The following TF variants were observed in gnomAD, a reference collection of about 807,000 sequenced individuals.
The protein encoded by TF is transferrin, also known as serotransferrin.
Under a neutral mutation model 82.4 loss-of-function variants are expected in TF, and 55 were observed. That is an observed-to-expected ratio of 0.67 (90% CI 0.54 to 0.84). The LOEUF (loss-of-function observed/expected upper bound fraction) is 0.84, where lower values mean the gene tolerates loss of function less well. Ranked by LOEUF, TF falls within the 40% of genes least tolerant of loss-of-function variation. The pLI, the probability that TF is intolerant of heterozygous loss-of-function variation, is 0.00. For missense variants in TF, 737 were observed against 868.4 expected, an observed-to-expected ratio of 0.85 and a Z score of 1.90; for synonymous variants, 332 against 332.6, an observed-to-expected ratio of 1.00 and a Z score of 0.02.
chr3:133,740,830 A>G, the TF span, among the ~76,000 whole-genome samples: 4 of 151,370 alleles, frequency 2.6e-5, no homozygotes, highest in Non-Finnish European at 5.9e-5. Context: ...AGTCTGGTAC[A>G]TAAAAGTTTT....
chr3:133,702,410 C>A, the TF span, among the ~76,000 whole-genome samples: 1 of 151,938 alleles, frequency 6.6e-6, no homozygotes, highest in African/African-American at 2.4e-5. Flanking sequence ...GCAGATCAAC[C>A]TTTTCAATCC....
chr3:133,756,916 C>T lies in TF; in HGVS notation c.777C>T (p.Asp259=), dbSNP rs201477287. 6.2e-7 allele frequency: 1 copy of T among 1,614,260 alleles called. No individual in the cohort carries two copies. The highest frequency in any genetic ancestry group is 8.5e-7 in the Non-Finnish European group (1 of 1,180,046). ...GGAAGCCGGTAGATGAATACAAGGA[C>T]TGCCACTTGGCCCAGGTCCCTTCTC... The part of the protein sequence containing the change: ...NTRKPVDEYK[D]CHLAQVPSHT... Residue 259 remains aspartate, a synonymous_variant, in exon 7 of 17, where the codon GAC becomes GAT. Coordinates refer to ENST00000402696, the MANE Select transcript of TF (RefSeq NM_001063.4).
chr3:133,662,260 A>C, the TF span: 1 of 152,262 alleles, frequency 6.6e-6, no homozygotes, highest in Non-Finnish European at 1.5e-5. Flanking sequence ...CCAGGCATGC[A>C]CGGGAAAAGG....
chr3:133,755,694 A>G, intron 5 of TF, 199 bp downstream of exon 5: 1 of 678,510 alleles, frequency 1.5e-6, no homozygotes, highest in Non-Finnish European at 2.5e-6. Context: ...GACCCTGACA[A>G]GTAGGTCCTT....
the TF span, among the ~76,000 whole-genome samples, chr3:133,692,461 A>G: frequency 6.6e-6 from 1 of 152,300 alleles, no homozygotes; most frequent in African/African-American, 2.4e-5. Flanking sequence ...AAGCAGTGAC[A>G]TCACGATGGC....
the TF span, among the ~76,000 whole-genome samples, chr3:133,706,684 C>G: frequency 6.6e-6 from 1 of 152,164 alleles, no homozygotes; most frequent in Admixed American, 6.5e-5. Flanking sequence ...AGAGTTTCTT[C>G]TGAGGCAGGA....
At chr3:133,697,331 G>A in the TF span, among the ~76,000 whole-genome samples, 3 of 151,998 alleles carry the variant, frequency 2.0e-5, no homozygotes, top group Non-Finnish European at 4.4e-5. Context: ...GGCAATTGAT[G>A]CATGTCTTAT....
At chr3:133,689,401 C>T in the TF span, among the ~76,000 whole-genome samples, 9 of 151,976 alleles carry the variant, frequency 5.9e-5, no homozygotes, top group Non-Finnish European at 1.3e-4. Context: ...TATTTATTAA[C>T]AAATGAAAAC....
At chr3:133,690,980 C>T in the TF span, among the ~76,000 whole-genome samples, 2 of 151,982 alleles carry the variant, frequency 1.3e-5, no homozygotes, top group Non-Finnish European at 2.9e-5. Context: ...AGAGTCCTAA[C>T]TTTATACACA....
the TF span, among the ~76,000 whole-genome samples, chr3:133,691,033 TTG>T: frequency 6.7e-6 from 1 of 148,824 alleles, no homozygotes; most frequent in East Asian, 2.0e-4. Context: ...TGAATATATA[TTG>T]TAAAATATTT....
the TF span, among the ~76,000 whole-genome samples, chr3:133,729,644 G>A: frequency 6.6e-5 from 10 of 152,244 alleles, no homozygotes; most frequent in South Asian, 2.1e-4. Flanking sequence ...GTTTCGGCTC[G>A]TGCACAGTGC....
intron 2 of TF, among the ~76,000 whole-genome samples, chr3:133,752,231 T>A (rs1933695459): frequency 6.6e-6 from 1 of 151,942 alleles, no homozygotes; most frequent in Admixed American, 6.6e-5. Context: ...TGGCTGGTAT[T>A]ACAGGCATGT....
intron 14 of TF, among the ~76,000 whole-genome samples, chr3:133,771,743 C>CAAAAAAAAAAAAAAAAAAAAAA (rs71136494): frequency 2.8e-4 from 16 of 56,548 alleles, no homozygotes; most frequent in East Asian, 5.1e-4. Flanking sequence ...GACTCCGTCT[C>CAAAAAAAAAAAAAAAAAAAAAA]AAAAAAAAAA....
At chr3:133,680,249 A>C in the TF span, among the ~76,000 whole-genome samples, 1 of 151,070 alleles carries the variant, frequency 6.6e-6, no homozygotes, top group South Asian at 2.1e-4. Flanking sequence ...TCTGTTGCCC[A>C]GGCTGGAGAG....
At chr3:133,669,994 C>A in the TF span, among the ~76,000 whole-genome samples, 2 of 152,166 alleles carry the variant, frequency 1.3e-5, no homozygotes, top group Non-Finnish European at 2.9e-5. Context: ...CAATTCTGAA[C>A]TTGGAAACAG....
intron 6 of TF, 132 bp from the exon 7 acceptor site, chr3:133,756,699 C>A: frequency 1.8e-6 from 2 of 1,139,800 alleles, no homozygotes; most frequent in Non-Finnish European, 2.6e-6. Context: ...CATTCTCCCG[C>A]ATGTTCTCTG....
chr3:133,764,513 C>T (rs1321472815), intron 10 of TF, among the ~76,000 whole-genome samples: 1 of 152,210 alleles, frequency 6.6e-6, no homozygotes, highest in Non-Finnish European at 1.5e-5. Context: ...GAAGTCCTCA[C>T]TAAAGATGAC....
the TF span, among the ~76,000 whole-genome samples, chr3:133,713,306 G>T: frequency 6.6e-6 from 1 of 152,220 alleles, no homozygotes; most frequent in Non-Finnish European, 1.5e-5. Flanking sequence ...ACCAACCATG[G>T]GTTGTTGGGC....
the TF span, among the ~76,000 whole-genome samples, chr3:133,738,138 G>T: frequency 1.3e-5 from 2 of 152,136 alleles, no homozygotes; most frequent in African/African-American, 2.4e-5. Context: ...TTCATCCCTG[G>T]GATGCAAGAC....
Sources: gnomAD v4.1 joint callset for allele counts (sites outside exome capture counted in the v4.1 genomes callset) on GRCh38, gnomAD v4.1.1 for gene constraint, MANE v1.5 for transcripts, NCBI Gene and HGNC (gene_info 2026-07-23, HGNC 2026-07-21) for gene names.